Variants in BABAM2 observed in about 807,000 individuals in gnomAD.
BABAM2 encodes BRISC and BRCA1 A complex member 2, also known as BRISC and BRCA1-A complex member 2.
A neutral mutation model predicts 54.7 loss-of-function variants in BABAM2; 31 were observed. The observed-to-expected ratio is 0.57, with a 90% CI of 0.43 to 0.77. BABAM2 has a LOEUF of 0.77. BABAM2 is among the 30% of genes least tolerant of loss of function. The probability of loss-of-function intolerance (pLI) is 0.00; values close to 1 mark genes in which losing one functional copy is unlikely to be tolerated. For synonymous variants in BABAM2, 167 were observed against 162.9 expected, an observed-to-expected ratio of 1.03 and a Z score of -0.19; for missense variants, 364 against 455.8, an observed-to-expected ratio of 0.80 and a Z score of 1.83.
chr2:28,105,515 G>A lies in BABAM2; in HGVS notation c.571-23756G>A, dbSNP rs941788325. On this transcript the variant is annotated intron_variant, in intron 6 of 11. Transcript: ENST00000379624. ...ACAGGCCATGAGTTGAAAAACTTAA[G>A]TTTTTTTTCTAGTGCTCTGTTTACT... Among the ~76,000 whole-genome samples the A allele has an allele frequency of 3.9e-5, 6 of 152,156 alleles. 1 individual carries two copies. The East Asian group carries it at 1.2e-3, about 29-fold the overall frequency.
At chr2:28,051,976 T>C (rs1678033072) in intron 6 of BABAM2, among the ~76,000 whole-genome samples, 1 of 151,728 alleles carries the variant, frequency 6.6e-6, no homozygotes, top group African/African-American at 2.4e-5. Flanking sequence ...ATGTTCATGA[T>C]GAAGGAAATA....
intron 7 of BABAM2, among the ~76,000 whole-genome samples, chr2:28,140,356 T>C (rs1208485355): frequency 6.6e-6 from 1 of 152,172 alleles, no homozygotes; most frequent in Non-Finnish European, 1.5e-5. Context: ...TGAGGACCTT[T>C]TATTAATGTC....
At chr2:28,248,458 C>G (rs1395760132) in intron 10 of BABAM2, among the ~76,000 whole-genome samples, 1 of 152,046 alleles carries the variant, frequency 6.6e-6, no homozygotes, top group African/African-American at 2.4e-5. Context: ...ATCCACCTGC[C>G]TCAGCTTCCC....
intron 7 of BABAM2, among the ~76,000 whole-genome samples, chr2:28,155,257 G>A (rs1052757249): frequency 5.3e-5 from 8 of 152,046 alleles, no homozygotes; most frequent in African/African-American, 1.7e-4. Flanking sequence ...TTTACCCTCC[G>A]TTTGCTCAGC....
chr2:28,239,671 T>A (rs1682234015), intron 8 of BABAM2, among the ~76,000 whole-genome samples: 1 of 152,170 alleles, frequency 6.6e-6, no homozygotes, highest in Non-Finnish European at 1.5e-5. Context: ...ATAACCCCAT[T>A]TGATGAGAGA....
At position 28,076,044 on chromosome 2, in the gene BABAM2, A is replaced by C. The variant is rs145662582; in HGVS notation, c.570+30245A>C. On this transcript the variant is annotated intron_variant, in intron 6 of 11. Transcript: ENST00000379624. Reference sequence around the variant, plus strand: ...TTTGGAAGGCTAAGGTGGGCGGAGCACTTGGGCCCACGAGTTAGAGAGCAG... The same window carrying C: ...TTTGGAAGGCTAAGGTGGGCGGAGCCCTTGGGCCCACGAGTTAGAGAGCAG... Among the ~76,000 whole-genome samples the C allele has an allele frequency of 7.6e-3, 1,161 of 152,224 alleles. 15 individuals carry two copies. Among genetic ancestry groups the C allele is most frequent in the African/African-American group, 0.027 (1,123 of 41,542 alleles).
At chr2:27,950,618 C>CTTT (rs1279202312) in intron 3 of BABAM2, among the ~76,000 whole-genome samples, 1 of 151,892 alleles carries the variant, frequency 6.6e-6, no homozygotes, top group Non-Finnish European at 1.5e-5. Flanking sequence ...TATTTGAATG[C>CTTT]TTTTTCCTAT....
chr2:28,249,870 G>A (rs1230816752), intron 10 of BABAM2, among the ~76,000 whole-genome samples: 1 of 151,742 alleles, frequency 6.6e-6, no homozygotes, highest in Non-Finnish European at 1.5e-5. Flanking sequence ...CGGGCTCAAG[G>A]GATCCACCTG....
chr2:28,282,414 C>T (rs1686436955), intron 10 of BABAM2, among the ~76,000 whole-genome samples: 1 of 152,082 alleles, frequency 6.6e-6, no homozygotes. Context: ...TATAGCAACC[C>T]CTGGCTGAAA....
intron 7 of BABAM2, among the ~76,000 whole-genome samples, chr2:28,153,923 A>G (rs1558388558): frequency 1.3e-5 from 2 of 152,186 alleles, no homozygotes. Flanking sequence ...TGTAAAGAAT[A>G]CCCTTAGGGG....
intron 3 of BABAM2, among the ~76,000 whole-genome samples, chr2:27,986,868 A>C (rs1265810395): frequency 3.3e-5 from 5 of 152,184 alleles, no homozygotes; most frequent in Non-Finnish European, 7.3e-5. Context: ...GATTGTCGAT[A>C]AACTAATCTA....
At position 27,940,891 on chromosome 2, in the gene BABAM2, A is replaced by G. The variant is rs1386313115; in HGVS notation, c.205+10983A>G. Among the ~76,000 whole-genome samples the G allele has an allele frequency of 2.0e-5, 3 of 152,238 alleles. No individual in the cohort carries two copies. In the South Asian group the frequency reaches 6.2e-4, roughly 32 times the overall value. The stretch of plus-strand genomic sequence containing the variant: ...CATGTTTGTGTCTTTCTCCTGCAAC[A>G]TATTCTATTGTCACTGTATTCTAAC... On this transcript the variant is annotated intron_variant, in intron 3 of 11. Transcript: ENST00000379624.
In BABAM2 at chr2:28,116,168, C is replaced by T. The variant is rs139958627; in HGVS notation, c.571-13103C>T. On this transcript the variant is annotated intron_variant, in intron 6 of 11. Coordinates refer to ENST00000379624, the MANE Select transcript of BABAM2 (RefSeq NM_199191.3). Reference sequence around the variant, plus strand: ...ACCTTGGAGGAGCTTAAATGTCAGGCTAATGTAGATGGAGGAGGGCTTTTG... The same window carrying T: ...ACCTTGGAGGAGCTTAAATGTCAGGTTAATGTAGATGGAGGAGGGCTTTTG... Among the ~76,000 whole-genome samples, 501 of 151,710 alleles carry T rather than the reference C, an allele frequency of 3.3e-3. 4 individuals carry two copies. Among genetic ancestry groups the T allele is most frequent in the Non-Finnish European group, 3.8e-3 (256 of 67,954 alleles).
At chr2:28,030,420 C>CTT (rs779757412) in intron 5 of BABAM2, among the ~76,000 whole-genome samples, 10 of 152,106 alleles carry the variant, frequency 6.6e-5, no homozygotes, top group Non-Finnish European at 1.5e-4. Flanking sequence ...ACTGAGAATC[C>CTT]TGTAACAAGG....
intron 11 of BABAM2, among the ~76,000 whole-genome samples, chr2:28,334,067 G>A (rs1031879182): frequency 6.6e-6 from 1 of 152,114 alleles, no homozygotes; most frequent in Middle Eastern, 3.2e-3. Context: ...AGAGGCACTC[G>A]CCGAAAACAG....
intron 7 of BABAM2, among the ~76,000 whole-genome samples, chr2:28,187,672 T>TTTTTC (rs1676461386): frequency 6.9e-6 from 1 of 143,942 alleles, no homozygotes; most frequent in East Asian, 2.1e-4. Context: ...ATTTTTTTTT[T>TTTTTC]TTTTTTTTTT....
intron 7 of BABAM2, among the ~76,000 whole-genome samples, chr2:28,185,521 A>T (rs1302115569): frequency 1.3e-5 from 2 of 152,160 alleles, no homozygotes; most frequent in Non-Finnish European, 2.9e-5. Flanking sequence ...CTCGAGTCAT[A>T]TTGAAAATAT....
chr2:28,023,855 A>C (rs894505483), intron 4 of BABAM2, among the ~76,000 whole-genome samples: 1 of 152,182 alleles, frequency 6.6e-6, no homozygotes, highest in Non-Finnish European at 1.5e-5. Flanking sequence ...GATGGTTCTC[A>C]AAGTGTGGTC....
At chr2:28,279,478 G>T (rs556231053) in intron 10 of BABAM2, among the ~76,000 whole-genome samples, 1 of 152,002 alleles carries the variant, frequency 6.6e-6, no homozygotes, top group Non-Finnish European at 1.5e-5. Context: ...GCAGCCTTTC[G>T]TGCAGCCTCC....
Sources: gnomAD v4.1 joint callset for allele counts (sites outside exome capture counted in the v4.1 genomes callset) on GRCh38, gnomAD v4.1.1 for gene constraint, MANE v1.5 for transcripts, NCBI Gene and HGNC (gene_info 2026-07-23, HGNC 2026-07-21) for gene names.